The following OPHN1 variants were observed in gnomAD, a reference collection of about 807,000 sequenced individuals.
The protein encoded by OPHN1 is oligophrenin-1.
In OPHN1, 11 loss-of-function variants were observed where a neutral mutation model predicts 60.7. That is an observed-to-expected ratio of 0.18 (90% CI 0.11 to 0.30). The LOEUF is 0.30. OPHN1 is among the 10% of genes least tolerant of loss of function. OPHN1 has a pLI of 1.00. For synonymous variants in OPHN1, 226 were observed against 222.6 expected, an observed-to-expected ratio of 1.02 and a Z score of -0.14; for missense variants, 449 against 611.0, an observed-to-expected ratio of 0.73 and a Z score of 2.80.
intron 5 of OPHN1, among the ~76,000 whole-genome samples, chrX:68,262,139 G>C (rs1266527522): frequency 9.0e-6 from 1 of 111,659 alleles, no homozygotes; most frequent in African/African-American, 3.2e-5. Flanking sequence ...GAAAGTAAGG[G>C]GGAAGTGTGA....
intron 2 of OPHN1, among the ~76,000 whole-genome samples, chrX:68,380,728 A>G (rs1441442999): frequency 9.0e-6 from 1 of 111,414 alleles, no homozygotes; most frequent in Non-Finnish European, 1.9e-5. Flanking sequence ...GTTTCCATGT[A>G]GTAGAGTGGT....
At position 68,212,927 on chromosome X, in the gene OPHN1, A is replaced by G. The variant is rs1910788125; in HGVS notation, c.598-715T>C. 2.7e-5 allele frequency among the ~76,000 whole-genome samples: 3 copies of G among 112,690 alleles called. No individual in the cohort carries two copies. The South Asian group carries it at 1.1e-3, about 41-fold the overall frequency. On this transcript the variant is annotated intron_variant, in intron 7 of 24. Coordinates refer to ENST00000355520, the MANE Select transcript of OPHN1 (RefSeq NM_002547.3). The stretch of plus-strand genomic sequence containing the variant: ...ATAAATGAATAAAGCAAGATTTTCT[A>G]CCTAACTTTAATGAAGACTGTCATA...
chrX:68,229,606 C>T (rs2077716744), intron 6 of OPHN1, among the ~76,000 whole-genome samples: 1 of 111,505 alleles, frequency 9.0e-6, no homozygotes, highest in African/African-American at 3.3e-5. Flanking sequence ...AGAAATAATA[C>T]TACACATCTA....
In OPHN1 at chrX:68,433,224, C is replaced by A; in HGVS notation, c.-61G>T. ...CTGGTCCGGACAGAGAACAGGCGCCCCGGCGATGGCTTCAGGGCCAGGGAG... is the reference window on the plus strand; with the variant it reads ...CTGGTCCGGACAGAGAACAGGCGCCACGGCGATGGCTTCAGGGCCAGGGAG... On this transcript the variant is annotated 5_prime_UTR_variant, in exon 1 of 25. Transcript: ENST00000355520. The A allele has an allele frequency of 9.4e-6, 4 of 426,430 alleles. No individual in the cohort carries two copies. The allele number at this position is 426,430 out of a possible 1,213,427, so 35.1% of individuals were successfully genotyped here. A position where few individuals can be genotyped will look rare whatever the true frequency, so the allele number is the denominator to read the frequency against.
chrX:68,403,932 A>G (rs1219049644), intron 2 of OPHN1, among the ~76,000 whole-genome samples: 1 of 108,738 alleles, frequency 9.2e-6, no homozygotes, highest in Non-Finnish European at 1.9e-5. Flanking sequence ...GGGGTGGCAC[A>G]AGCAGAAGAG....
intron 15 of OPHN1, 69 bp from the exon 16 acceptor site, chrX:68,119,401 A>G (rs1265189271): frequency 1.3e-6 from 1 of 761,118 alleles, no homozygotes; most frequent in Admixed American, 2.3e-5. Context: ...CCCTCTTTTA[A>G]AAGAAAAACA....
intron 2 of OPHN1, among the ~76,000 whole-genome samples, chrX:68,391,913 C>T (rs146250304): frequency 0.018 from 1,987 of 111,639 alleles, 16 homozygotes; most frequent in Non-Finnish European, 0.029. Context: ...ACCAGCCCTG[C>T]CTACACCTTG....
intron 19 of OPHN1, among the ~76,000 whole-genome samples, chrX:68,085,510 C>A (rs1264421540): frequency 8.9e-6 from 1 of 111,919 alleles, no homozygotes; most frequent in Non-Finnish European, 1.9e-5. Context: ...ATCCCCAGAG[C>A]CTAGAACTTC....
chrX:68,057,938 T>A (rs1193951631), intron 21 of OPHN1, among the ~76,000 whole-genome samples: 2 of 111,740 alleles, frequency 1.8e-5, no homozygotes, highest in Non-Finnish European at 3.8e-5. Context: ...AATGAGCCAA[T>A]GATCTAAGTC....
rs938370705 is a variant in OPHN1, at chrX:68,315,000, A to C, written c.155-15904T>G. 2.7e-5 allele frequency among the ~76,000 whole-genome samples: 3 copies of C among 109,280 alleles called. No individual in the cohort carries two copies. The Admixed American group carries it at 3.0e-4, about 11-fold the overall frequency. 94.9% of individuals were successfully genotyped at this position (109,280 alleles called of 115,157 possible). On this transcript the variant is annotated intron_variant, in intron 2 of 24. Transcript: ENST00000355520. Reference sequence around the variant, plus strand: ...GACTCCATCTCAAAAAAAAAAAAAAAACAGAGAGAGAAAGAGACACAGAGA... The same window carrying C: ...GACTCCATCTCAAAAAAAAAAAAAACACAGAGAGAGAAAGAGACACAGAGA...
chrX:68,065,614 G>A (rs973270605), intron 20 of OPHN1, among the ~76,000 whole-genome samples: 7 of 111,622 alleles, frequency 6.3e-5, no homozygotes, highest in South Asian at 7.6e-4. Context: ...GCTTCTTACC[G>A]ACTGTGAGAC....
intron 24 of OPHN1, among the ~76,000 whole-genome samples, chrX:68,047,891 A>G (rs755390112): frequency 8.9e-6 from 1 of 112,376 alleles, no homozygotes; most frequent in Non-Finnish European, 1.9e-5. Context: ...ACAAACATAA[A>G]GGACTAAGAA....
Position 68,234,816 on chromosome X carries a change from T to C in OPHN1, c.385-228A>G, listed in dbSNP as rs1022772022. ...CTGCAGAAATGGCAGTCCCTATTTT[T>C]ACAGCTGAAAGCTATGGAAGCTGCT... On this transcript the variant is annotated intron_variant, in intron 5 of 24. Transcript: ENST00000355520. Among the ~76,000 whole-genome samples, 3 of 112,349 alleles carry C rather than the reference T, an allele frequency of 2.7e-5. No homozygotes were observed. In the Admixed American group the frequency reaches 2.8e-4, roughly 11 times the overall value.
intron 2 of OPHN1, among the ~76,000 whole-genome samples, chrX:68,380,349 T>C (rs933677644): frequency 5.4e-5 from 6 of 111,656 alleles, no homozygotes; most frequent in African/African-American, 2.0e-4. Context: ...GCTAGCGGTC[T>C]ATCAATTTTG....
intron 2 of OPHN1, among the ~76,000 whole-genome samples, chrX:68,405,135 A>G (rs764832657): frequency 8.9e-6 from 1 of 112,602 alleles, no homozygotes; most frequent in Non-Finnish European, 1.9e-5. Context: ...AAAGTGATGC[A>G]CATTTGAAAT....
intron 2 of OPHN1, among the ~76,000 whole-genome samples, chrX:68,337,068 A>G (rs769540072): frequency 2.5e-4 from 28 of 110,832 alleles, no homozygotes; most frequent in Admixed American, 1.9e-4. Flanking sequence ...CCCAAAAAAA[A>G]GAAGTAAGAA....
intron 2 of OPHN1, chrX:68,361,066 T>TA (rs1385331752): frequency 1.8e-5 from 2 of 111,868 alleles, no homozygotes; most frequent in Non-Finnish European, 3.8e-5. Flanking sequence ...AAAAAAGTTT[T>TA]AAAAGAAGGG....
chrX:68,146,464 C>T (rs1178965527), intron 15 of OPHN1, among the ~76,000 whole-genome samples: 2 of 112,158 alleles, frequency 1.8e-5, no homozygotes, highest in Non-Finnish European at 3.8e-5. Context: ...AACAACATAC[C>T]AACCTTATCT....
intron 19 of OPHN1, among the ~76,000 whole-genome samples, chrX:68,087,129 T>G (rs1213886579): frequency 8.9e-6 from 1 of 112,264 alleles, no homozygotes; most frequent in Non-Finnish European, 1.9e-5. Flanking sequence ...AATTAGGGCT[T>G]CATGGTCTCT....
Sources: allele counts gnomAD v4.1 joint callset (sites outside exome capture counted in the v4.1 genomes callset), GRCh38; gene constraint gnomAD v4.1.1; transcripts MANE v1.5; gene names NCBI Gene and HGNC (gene_info 2026-07-23, HGNC 2026-07-21).